The following KBTBD12 variants were observed in gnomAD, a reference collection of about 807,000 sequenced individuals.
KBTBD12 encodes the protein kelch repeat and BTB domain containing 12, also known as kelch repeat and BTB domain-containing protein 12.
Under a neutral mutation model 58.7 loss-of-function variants are expected in KBTBD12, and 53 were observed. The observed-to-expected ratio is 0.90, with a 90% CI of 0.72 to 1.14. The LOEUF is 1.14. KBTBD12 is among the 50% of genes most tolerant of loss of function. The pLI is 0.00. For synonymous variants in KBTBD12, 236 were observed against 259.8 expected (o/e 0.91, Z 0.88); for missense variants, 704 against 751.3 (o/e 0.94, Z 0.74).
At chr3:127,980,965 G>C (rs1940863300) in intron 5 of KBTBD12, among the ~76,000 whole-genome samples, 1 of 142,604 alleles carries the variant, frequency 7.0e-6, no homozygotes, top group African/African-American at 2.8e-5. Context: ...AAGCCAATCT[G>C]ACCACACCAG....
At chr3:127,952,344 C>T (rs1421519265) in intron 4 of KBTBD12, among the ~76,000 whole-genome samples, 1 of 152,106 alleles carries the variant, frequency 6.6e-6, no homozygotes, top group African/African-American at 2.4e-5. Flanking sequence ...TGAGTGATGT[C>T]CATTGGCCAT....
chr3:127,916,065 C>T (rs1559756755), intron 1 of KBTBD12, among the ~76,000 whole-genome samples: 1 of 152,168 alleles, frequency 6.6e-6, no homozygotes, highest in Non-Finnish European at 1.5e-5. Context: ...ACATTTTCCC[C>T]CAAATGATTC....
chr3:127,943,021 A>C (rs1370167098), intron 4 of KBTBD12, among the ~76,000 whole-genome samples: 1 of 152,158 alleles, frequency 6.6e-6, no homozygotes, highest in East Asian at 1.9e-4. Flanking sequence ...CACCACTTTG[A>C]AAACAGCACG....
chr3:127,950,026 T>G (rs1033781841), intron 4 of KBTBD12, among the ~76,000 whole-genome samples: 5 of 152,220 alleles, frequency 3.3e-5, no homozygotes, highest in African/African-American at 1.2e-4. Context: ...TCTCAGAGTA[T>G]GAGAATTTAA....
Position 127,930,200 on chromosome 3 carries a change from A to G in KBTBD12, c.1409A>G (p.Asp470Gly). The G allele has an allele frequency of 6.2e-7, 1 of 1,607,966 alleles. No homozygotes were observed. Among genetic ancestry groups the G allele is most frequent in the Non-Finnish European group, 8.5e-7 (1 of 1,176,932 alleles). Residue 470 changes from aspartate (D) to glycine (G), a missense_variant, in exon 4 of 6, where the codon GAT becomes GGT. Coordinates refer to ENST00000405109, the MANE Select transcript of KBTBD12 (RefSeq NM_207335.4). ...CTGTTGCAGTATGACCCCAGCCAAG[A>G]TCAATGGAGTGTGCGGGCACCCATG... ...NKLLQYDPSQ[D>G]QWSVRAPMKY...
intron 5 of KBTBD12, among the ~76,000 whole-genome samples, chr3:127,977,241 G>T (rs1324121716): frequency 6.6e-6 from 1 of 152,186 alleles, no homozygotes; most frequent in Non-Finnish European, 1.5e-5. Flanking sequence ...TACCACTGAT[G>T]GCATTTAGGT....
intron 1 of KBTBD12, among the ~76,000 whole-genome samples, chr3:127,920,364 A>G (rs1270898365): frequency 6.7e-6 from 1 of 150,288 alleles, no homozygotes; most frequent in Non-Finnish European, 1.5e-5. Flanking sequence ...AGATACAGCC[A>G]TGTTGACGCA....
intron 4 of KBTBD12, among the ~76,000 whole-genome samples, chr3:127,948,213 C>T (rs536818580): frequency 7.2e-5 from 11 of 152,284 alleles, no homozygotes; most frequent in African/African-American, 2.6e-4. Flanking sequence ...TTTTACTGTG[C>T]GTTCCTTCCT....
Position 127,961,148 on chromosome 3 carries a change from A to G in KBTBD12, c.1493-2041A>G, listed in dbSNP as rs72983917. Reference sequence around the variant, plus strand: ...CAAAAACAGACAACTAGATCATCTTACTCTTACCTTATGGGTGATTGCTTG... The same window carrying G: ...CAAAAACAGACAACTAGATCATCTTGCTCTTACCTTATGGGTGATTGCTTG... On this transcript the variant is annotated intron_variant, in intron 4 of 5. Coordinates refer to ENST00000405109, the MANE Select transcript of KBTBD12 (RefSeq NM_207335.4). Among the ~76,000 whole-genome samples the G allele has an allele frequency of 5.5e-3, 843 of 152,188 alleles. 6 individuals are homozygous for G. Among genetic ancestry groups the G allele is most frequent in the African/African-American group, 0.018 (760 of 41,502 alleles).
intron 4 of KBTBD12, among the ~76,000 whole-genome samples, chr3:127,959,261 T>C: frequency 6.6e-6 from 1 of 152,214 alleles, no homozygotes; most frequent in East Asian, 1.9e-4. Context: ...TAGAAGCCTA[T>C]GCATTGCAAA....
chr3:127,981,314 C>G (rs1223902668), intron 5 of KBTBD12, among the ~76,000 whole-genome samples: 1 of 152,162 alleles, frequency 6.6e-6, no homozygotes, highest in Non-Finnish European at 1.5e-5. Flanking sequence ...GTTACCTTTT[C>G]TACAAAATGG....
intron 5 of KBTBD12, among the ~76,000 whole-genome samples, chr3:127,978,183 C>T (rs936320108): frequency 9.9e-5 from 15 of 152,102 alleles, no homozygotes; most frequent in African/African-American, 3.6e-4. Context: ...TCCATTACGA[C>T]CTCTGTTCTT....
At chr3:127,916,775 A>G (rs911655699) in intron 1 of KBTBD12, among the ~76,000 whole-genome samples, 2 of 151,960 alleles carry the variant, frequency 1.3e-5, no homozygotes, top group Non-Finnish European at 2.9e-5. Context: ...ACATGGCTTC[A>G]GTAGTTCCTT....
At chr3:127,937,222 A>C (rs938766326) in intron 4 of KBTBD12, among the ~76,000 whole-genome samples, 3 of 152,086 alleles carry the variant, frequency 2.0e-5, no homozygotes, top group Non-Finnish European at 4.4e-5. Flanking sequence ...AAAACAGTGG[A>C]GACCTCACAT....
rs755473426 is a variant in KBTBD12 at position 127,927,817 on chromosome 3, G to A, written c.1124G>A (p.Arg375Gln). The A allele has an allele frequency of 1.6e-5, 25 of 1,593,718 alleles. No individual in the cohort carries two copies. Among genetic ancestry groups the A allele is most frequent in the Admixed American group, 7.0e-5 (4 of 56,866 alleles). The change falls in exon 3 of 6, where the codon CGA becomes CAA. Residue 375 changes from arginine (R) to glutamine (Q), a missense_variant. Transcript: ENST00000405109. ...FWEKLCTAEF[R>Q]ELYALGSIHN... ...GAAAAGTTATGCACAGCTGAATTTC[G>A]AGAACTCTATGCTCTGGGCAGTATT...
At chr3:127,962,203 G>C (rs1265075661) in intron 4 of KBTBD12, among the ~76,000 whole-genome samples, 1 of 152,338 alleles carries the variant, frequency 6.6e-6, no homozygotes, top group South Asian at 2.1e-4. Context: ...CCTTCCGGGG[G>C]GTTTACCTCA....
chr3:127,971,905 T>C (rs963912199), intron 5 of KBTBD12, among the ~76,000 whole-genome samples: 1 of 152,182 alleles, frequency 6.6e-6, no homozygotes, highest in African/African-American at 2.4e-5. Flanking sequence ...CTCTACCTCC[T>C]CCATCTGTCC....
intron 4 of KBTBD12, 57 bp from the exon 5 acceptor site, chr3:127,963,132 G>A: frequency 1.4e-6 from 2 of 1,437,458 alleles, no homozygotes; most frequent in South Asian, 1.4e-5. Context: ...GGGCAGTGCT[G>A]TCCACAATTG....
intron 5 of KBTBD12, among the ~76,000 whole-genome samples, chr3:127,972,452 CA>C (rs1219376533): frequency 6.6e-6 from 1 of 152,126 alleles, no homozygotes; most frequent in Non-Finnish European, 1.5e-5. Flanking sequence ...TTTCATTCAA[CA>C]AACCTTTATT....
Sources: gnomAD v4.1 joint callset for allele counts (sites outside exome capture counted in the v4.1 genomes callset) on GRCh38, gnomAD v4.1.1 for gene constraint, MANE v1.5 for transcripts, NCBI Gene and HGNC (gene_info 2026-07-23, HGNC 2026-07-21) for gene names.